The following PIGQ variants were observed in gnomAD, a reference collection of about 807,000 sequenced individuals.
PIGQ encodes the protein phosphatidylinositol glycan anchor biosynthesis class Q.
Under a neutral mutation model 60.3 loss-of-function variants are expected in PIGQ, and 54 were observed. That is an observed-to-expected ratio of 0.90 (90% CI 0.72 to 1.12). The LOEUF is 1.12. PIGQ is among the 50% of genes most tolerant of loss of function. The probability of loss-of-function intolerance (pLI) is 0.00; values close to 1 mark genes in which losing one functional copy is unlikely to be tolerated. For synonymous variants in PIGQ, 416 were observed against 363.7 expected, an observed-to-expected ratio of 1.14 and a Z score of -1.64; for missense variants, 799 against 793.5, an observed-to-expected ratio of 1.01 and a Z score of -0.08.
chr16:580,218 C>T lies in PIGQ; in HGVS notation c.1371C>T (p.Leu457=), dbSNP rs1474868381. 6.2e-7 allele frequency: 1 copy of T among 1,613,056 alleles called. No individual in the cohort carries two copies. Among genetic ancestry groups the T allele is most frequent in the Non-Finnish European group, 8.5e-7 (1 of 1,179,476 alleles). The change falls in exon 8 of 11, where the codon CTC becomes CTT. Residue 457 remains leucine (L), a synonymous_variant. Coordinates refer to ENST00000321878, the MANE Select transcript of PIGQ (RefSeq NM_004204.5). ...FIGTLLFTIL[L]FLLPTTALYY... is the part of the protein sequence containing the mutation. Reference sequence around the variant, plus strand: ...GGACTCTGCTCTTCACCATCCTGCTCTTCCTCCTGCCTACCACAGCCCTGT... The same window carrying T: ...GGACTCTGCTCTTCACCATCCTGCTTTTCCTCCTGCCTACCACAGCCCTGT...
intron 2 of PIGQ, among the ~76,000 whole-genome samples, chr16:575,385 G>A (rs1213042253): frequency 6.6e-6 from 1 of 152,200 alleles, no homozygotes; most frequent in East Asian, 1.9e-4. Flanking sequence ...TGGCGGAGGT[G>A]CCCCATGGGG....
chr16:572,508 A>G (rs1055305349), intron 1 of PIGQ: 1 of 456,158 alleles, frequency 2.2e-6, no homozygotes, highest in Non-Finnish European at 4.4e-6. Context: ...GCTTCGGGAG[A>G]GGACTTACAG....
Position 580,867 on chromosome 16 carries a change from C to A in PIGQ, c.1426C>A (p.Leu476Met). The A allele has an allele frequency of 6.7e-7, 1 of 1,499,670 alleles. No individual in the cohort carries two copies. The highest frequency in any genetic ancestry group is 9.2e-7 in the Non-Finnish European group (1 of 1,084,968). The allele number at this position is 1,499,670 out of a possible 1,614,324, so 92.9% of individuals were successfully genotyped here. The change falls in exon 9 of 11, where the codon CTG (leucine) becomes ATG (methionine). Residue 476 changes from leucine (L) to methionine (M), a missense_variant. Coordinates refer to ENST00000321878, the MANE Select transcript of PIGQ (RefSeq NM_004204.5). ...YYLVFTLLRLLVVAVQGLIHL... is the reference protein window; with the variant it reads ...YYLVFTLLRLMVVAVQGLIHL... The stretch of plus-strand genomic sequence containing the variant: ...TGCTCCTCTGCCACAGCTCCGGCTC[C>A]TGGTGGTCGCCGTGCAGGGCCTGAT...
At position 576,584 on chromosome 16, in the gene PIGQ, C is replaced by T. The variant is rs2035723054; in HGVS notation, c.942+330C>T. 9.9e-6 allele frequency: 5 copies of T among 505,962 alleles called. No homozygotes were observed. In the Admixed American group the frequency reaches 1.8e-4, roughly 19 times the overall value. 31.3% of individuals were successfully genotyped at this position (505,962 alleles called of 1,614,324 possible). A position where few individuals can be genotyped will look rare whatever the true frequency, so the allele number is the denominator to read the frequency against. ...GGTCCCTGAGATCAGCGTTGCCCTC[C>T]TGGCTCTCTGGGGCCCTCTGCAGAG... On this transcript the variant is annotated intron_variant, in intron 4 of 10. Transcript: ENST00000321878.
chr16:570,669 A>C (rs1035379791), intron 1 of PIGQ: 4 of 152,212 alleles, frequency 2.6e-5, no homozygotes, highest in African/African-American at 9.7e-5. Context: ...TTTCACCCCC[A>C]TCGAGGCTGG....
intron 9 of PIGQ, 118 bp downstream of exon 9, chr16:581,090 T>C (rs1301457906): frequency 7.3e-7 from 1 of 1,363,142 alleles, no homozygotes; most frequent in Non-Finnish European, 1.0e-6. Flanking sequence ...AGCCGTGGTA[T>C]GCATGCGCAA....
At chr16:571,393 CGT>C (rs1206031871) in intron 1 of PIGQ, among the ~76,000 whole-genome samples, 1 of 56,190 alleles carries the variant, frequency 1.8e-5, no homozygotes, top group Non-Finnish European at 3.5e-5. Context: ...GCCTGGTGCC[CGT>C]GTGTGTGTGT....
chr16:574,959 G>A (rs930546923), intron 2 of PIGQ, among the ~76,000 whole-genome samples, 196 bp downstream of exon 2: 16 of 152,218 alleles, frequency 1.1e-4, no homozygotes, highest in Admixed American at 2.0e-4. Flanking sequence ...TCACCCCTGG[G>A]GTAGAGCCAG....
At chr16:578,350 G>C (rs772289222) in intron 4 of PIGQ, 29 bp from the exon 5 acceptor site, 2 of 1,593,624 alleles carry the variant, frequency 1.3e-6, no homozygotes, top group Middle Eastern at 2.0e-4. Flanking sequence ...GGCTGCCCCC[G>C]CCCCAGCGTG....
chr16:574,132 G>C lies in PIGQ; in HGVS notation c.58G>C (p.Val20Leu). 1 of 1,611,742 alleles carries C rather than the reference G, an allele frequency of 6.2e-7. No homozygotes were observed. The highest frequency in any genetic ancestry group is 8.5e-7 in the Non-Finnish European group (1 of 1,179,604). The change falls in exon 2 of 11, where the codon GTG (valine) becomes CTG (leucine). Residue 20 changes from valine (V) to leucine (L), a missense_variant. Physicochemically the swap from Val to Leu is conservative, Grantham distance 32 (BLOSUM62 1). Coordinates refer to ENST00000321878, the MANE Select transcript of PIGQ (RefSeq NM_004204.5). Reference sequence around the variant, plus strand: ...CGTCTCGACGGACAGCGGGCTGCTGGTGGGACGGTGGGTGCCGGAGCAGAG... The same window carrying C: ...CGTCTCGACGGACAGCGGGCTGCTGCTGGGACGGTGGGTGCCGGAGCAGAG... ...CCVSTDSGLL[V>L]GRWVPEQSSA...
Position 578,785 on chromosome 16 carries a change from G to C in PIGQ, c.1070G>C (p.Ser357Thr). The change falls in exon 6 of 11, where the codon AGC (serine) becomes ACC (threonine). Residue 357 changes from serine (S) to threonine (T), a missense_variant and splice_region_variant. Transcript: ENST00000321878. ...FFLYHIHLWI[S>T]YIHLMSPFVE... ...CTGAGGGCCTACCCCACCCTGCCAG[G>C]CTACATCCACCTCATGTCCCCCTTC... The C allele has an allele frequency of 6.2e-7, 1 of 1,613,142 alleles. No individual in the cohort carries two copies. Among genetic ancestry groups the C allele is most frequent in the Non-Finnish European group, 8.5e-7 (1 of 1,179,544 alleles).
At chr16:582,536 C>T (rs566256241) in intron 10 of PIGQ, 17 of 572,058 alleles carry the variant, frequency 3.0e-5, no homozygotes, top group South Asian at 1.7e-4. Context: ...TGCCCTGTGT[C>T]GGAGGCGCCC....
Position 580,978 on chromosome 16 carries a change from T to C in PIGQ, c.1531+6T>C. The C allele has an allele frequency of 6.4e-7, 1 of 1,570,784 alleles. No individual in the cohort carries two copies. The highest frequency in any genetic ancestry group is 2.2e-5 in the East Asian group (1 of 44,678). On this transcript the variant is annotated splice_donor_region_variant and intron_variant, in intron 9 of 10. Coordinates refer to ENST00000321878, the MANE Select transcript of PIGQ (RefSeq NM_004204.5). ...CCGGCCCTACAGGCTGGCGGGTAAG[T>C]GCTGCGTATTGGGCAGCTGGCCCTG...
Position 583,678 on chromosome 16 carries a change from G to T in PIGQ, c.*643G>T. The T allele has an allele frequency of 6.2e-7, 1 of 1,604,480 alleles. No homozygotes were observed. The highest frequency in any genetic ancestry group is 8.5e-7 in the Non-Finnish European group (1 of 1,175,088). On this transcript the variant is annotated 3_prime_UTR_variant, in exon 11 of 11. Transcript: ENST00000321878. ...GTGAGCATCGCCAGGCTGCTGTGGG[G>T]GCGGGAGCAGCCTCAGTGTCAAGGG...
Position 583,556 on chromosome 16 carries a change from C to T in PIGQ, c.*521C>T. ...GATTGAAGCAGTCGCTGACCCCCGT[C>T]CCCAGCGGGCCCGGGCCCTCACTCC... is the stretch of plus-strand genomic sequence containing the variant. On this transcript the variant is annotated 3_prime_UTR_variant, in exon 11 of 11. Transcript: ENST00000321878. 1 of 1,612,366 alleles carries T rather than the reference C, an allele frequency of 6.2e-7. No individual in the cohort carries two copies. The highest frequency in any genetic ancestry group is 8.5e-7 in the Non-Finnish European group (1 of 1,179,578).
In PIGQ at chr16:575,770, C is replaced by T. The variant is rs2035705740; in HGVS notation, c.690-69C>T. 2.0e-6 allele frequency: 3 copies of T among 1,500,524 alleles called. No homozygotes were observed. The African/African-American group carries it at 4.1e-5, about 21-fold the overall frequency. The allele number at this position is 1,500,524 out of a possible 1,614,324, so 93.0% of individuals were successfully genotyped here. A position where few individuals can be genotyped will look rare whatever the true frequency, so the allele number is the denominator to read the frequency against. Reference sequence around the variant, plus strand: ...GTGTGGCCTGGGTGTTTGTGGTCCCCTGCACAGTGGGGGACGGTGGGAGGA... The same window carrying T: ...GTGTGGCCTGGGTGTTTGTGGTCCCTTGCACAGTGGGGGACGGTGGGAGGA... On this transcript the variant is annotated intron_variant, in intron 2 of 10. Coordinates refer to ENST00000321878, the MANE Select transcript of PIGQ (RefSeq NM_004204.5).
At chr16:578,729 G>C in intron 5 of PIGQ, 56 bp from the exon 6 acceptor site, 1 of 1,585,560 alleles carries the variant, frequency 6.3e-7, no homozygotes, top group Non-Finnish European at 8.6e-7. Context: ...TGAGGGTTGT[G>C]CTGGGCCGAG....
rs1334271346 is a variant in PIGQ, at chr16:583,986, G to A, written c.*951G>A. On this transcript the variant is annotated 3_prime_UTR_variant, in exon 11 of 11. Coordinates refer to ENST00000321878, the MANE Select transcript of PIGQ (RefSeq NM_004204.5). ...AGGTGCCGGCTGGTGAGGGGATGACGCGCTGTGGGTGGGAGGAGGCAGCGC... is the reference window on the plus strand; with the variant it reads ...AGGTGCCGGCTGGTGAGGGGATGACACGCTGTGGGTGGGAGGAGGCAGCGC... 7 of 387,952 alleles carry A rather than the reference G, an allele frequency of 1.8e-5. No homozygotes were observed. The highest frequency in any genetic ancestry group is 1.5e-4 in the African/African-American group (7 of 48,192). The allele number at this position is 387,952 out of a possible 1,614,324, so 24.0% of individuals were successfully genotyped here.
chr16:582,814 C>T (rs886877892), intron 10 of PIGQ, 69 bp from the exon 11 acceptor site: 38 of 1,502,996 alleles, frequency 2.5e-5, no homozygotes, highest in Non-Finnish European at 3.1e-5. Flanking sequence ...ACTGCCCGCC[C>T]CCACCCTCTC....
Sources: allele counts gnomAD v4.1 joint callset (sites outside exome capture counted in the v4.1 genomes callset), GRCh38; gene constraint gnomAD v4.1.1; transcripts MANE v1.5; gene names NCBI Gene and HGNC (gene_info 2026-07-23, HGNC 2026-07-21).